Variants in PEX1 observed in about 807,000 individuals in gnomAD.
PEX1 encodes the protein peroxisomal ATPase PEX1.
Under a neutral mutation model 152.5 loss-of-function variants are expected in PEX1, and 97 were observed. The observed-to-expected ratio is 0.64, with a 90% confidence interval of 0.54 to 0.75. The LOEUF is 0.75. PEX1 is among the 30% of genes least tolerant of loss of function. The pLI is 0.00. For missense variants in PEX1, 1,357 were observed against 1,516.3 expected (o/e 0.89, Z 1.74); for synonymous variants, 485 against 531.6 (o/e 0.91, Z 1.21).
At chr7:92,491,623 G>T (rs1031883432) in intron 20 of PEX1, 121 bp from the exon 21 acceptor site, 2 of 673,884 alleles carry the variant, frequency 3.0e-6, no homozygotes, top group Non-Finnish European at 5.2e-6. Context: ...ATTTTTCAAA[G>T]AGCTCATTAA....
At chr7:92,525,186 G>T (rs1256491587) in intron 1 of PEX1, among the ~76,000 whole-genome samples, 2 of 152,154 alleles carry the variant, frequency 1.3e-5, no homozygotes, top group Non-Finnish European at 2.9e-5. Flanking sequence ...GGCTATTCAG[G>T]TAAAGAGAAG....
At position 92,517,687 on chromosome 7, in the gene PEX1, C is replaced by A; in HGVS notation, c.828G>T (p.Met276Ile). 6.2e-7 allele frequency: 1 copy of A among 1,613,640 alleles called. No homozygotes were observed. Among genetic ancestry groups the A allele is most frequent in the Non-Finnish European group, 8.5e-7 (1 of 1,179,838 alleles). Residue 276 changes from methionine (M) to isoleucine (I), a missense_variant, in exon 5 of 24, where the codon ATG becomes ATT. Transcript: ENST00000248633. ...TGTCTAGAGGAACAACCTTTGACTG[C>A]ATATTTTTGAATGCATTGATTTCAG... ...GLTEINAFKN[M>I]QSKVVPLDNI...
In PEX1 at chr7:92,489,903, T is replaced by A. The variant is rs781059210; in HGVS notation, c.3447A>T (p.Gln1149His). The change falls in exon 22 of 24, where the codon CAA becomes CAT. Residue 1149 changes from glutamine to histidine, a missense_variant. Gln to His is a conservative substitution (Grantham distance 24, BLOSUM62 0). Transcript: ENST00000248633. ...TCATGGAGCTTGGTGCAGAGAGACA[T>A]TGTGAGCTCTGCATGGTAAATTGTA... Reference protein sequence around the residue: ...GNGTSSDLSSQCLSAPSSMTQ... With the variant: ...GNGTSSDLSSHCLSAPSSMTQ... 2.5e-6 allele frequency: 4 copies of A among 1,613,042 alleles called. No individual in the cohort carries two copies. The highest frequency in any genetic ancestry group is 3.4e-6 in the Non-Finnish European group (4 of 1,179,190).
At chr7:92,495,816 C>T (rs1791627787) in intron 17 of PEX1, among the ~76,000 whole-genome samples, 1 of 151,882 alleles carries the variant, frequency 6.6e-6, no homozygotes, top group African/African-American at 2.4e-5. Context: ...TATTATTTCC[C>T]TTTTAACATA....
intron 1 of PEX1, among the ~76,000 whole-genome samples, 172 bp downstream of exon 1, chr7:92,528,135 G>C (rs566859714): frequency 1.2e-3 from 189 of 152,378 alleles, no homozygotes; most frequent in African/African-American, 4.2e-3. Context: ...GGGCTGCACT[G>C]GACTTGTGGG....
chr7:92,501,129 T>C (rs1791901864), intron 15 of PEX1, among the ~76,000 whole-genome samples: 1 of 152,202 alleles, frequency 6.6e-6, no homozygotes, highest in Non-Finnish European at 1.5e-5. Flanking sequence ...AAAATCTGTC[T>C]GCCTGGGCAA....
chr7:92,499,560 G>C, intron 16 of PEX1, 144 bp downstream of exon 16: 1 of 692,862 alleles, frequency 1.4e-6, no homozygotes, highest in Non-Finnish European at 2.5e-6. Flanking sequence ...GGAGTGGAAT[G>C]AAAAAGTTTT....
At chr7:92,494,028 A>G (rs1791510316) in intron 19 of PEX1, 1 of 408,270 alleles carries the variant, frequency 2.4e-6, no homozygotes, top group Admixed American at 3.8e-5. Flanking sequence ...TAATGTGAAA[A>G]TATAATACAT....
intron 8 of PEX1, among the ~76,000 whole-genome samples, chr7:92,510,143 CAAA>C (rs35337329): frequency 2.2e-5 from 3 of 137,920 alleles, no homozygotes; most frequent in Non-Finnish European, 1.6e-5. Flanking sequence ...GACTCCATCT[CAAA>C]AAAAAAAAAA....
intron 5 of PEX1, among the ~76,000 whole-genome samples, chr7:92,516,075 G>C (rs868140800): frequency 7.8e-5 from 11 of 141,052 alleles, no homozygotes; most frequent in Non-Finnish European, 1.8e-4. Flanking sequence ...GAAAAGAAAA[G>C]AAAAGAAAAG....
intron 10 of PEX1, 51 bp from the exon 11 acceptor site, chr7:92,506,395 T>C (rs189260051): frequency 3.9e-5 from 44 of 1,140,734 alleles, no homozygotes; most frequent in Admixed American, 2.7e-4. Context: ...GTCACAGAAA[T>C]AGTTCCTGTC....
chr7:92,519,048 A>T lies in PEX1; in HGVS notation c.304T>A (p.Ser102Thr). 6.2e-7 allele frequency: 1 copy of T among 1,610,536 alleles called. No individual in the cohort carries two copies. The change falls in exon 3 of 24, where the codon TCT becomes ACT. Residue 102 changes from serine to threonine, a missense_variant. Physicochemically the swap from Ser to Thr is moderately conservative, Grantham distance 58. Coordinates refer to ENST00000248633, the MANE Select transcript of PEX1 (RefSeq NM_000466.3). The stretch of plus-strand genomic sequence containing the variant: ...GGTTCCACCTCAACTTGTTGACAAG[A>T]TACCACATGGGAACATGGCTTGAGA... ...VFLKPCSHVVSCQQVEVEPLS... is the reference protein window; with the variant it reads ...VFLKPCSHVVTCQQVEVEPLS...
At chr7:92,502,199 T>C in intron 13 of PEX1, 120 bp from the exon 14 acceptor site, 1 of 709,896 alleles carries the variant, frequency 1.4e-6, no homozygotes, top group South Asian at 1.7e-5. Context: ...TTGGTAGTTG[T>C]CTGGGGATGG....
At chr7:92,502,206 A>G (rs887247814) in intron 13 of PEX1, 127 bp from the exon 14 acceptor site, 4 of 683,938 alleles carry the variant, frequency 5.8e-6, no homozygotes, top group Non-Finnish European at 1.0e-5. Flanking sequence ...TTGTCTGGGG[A>G]TGGAGCAGGG....
intron 9 of PEX1, 57 bp downstream of exon 9, chr7:92,509,272 T>C: frequency 9.0e-7 from 1 of 1,116,274 alleles, no homozygotes; most frequent in Non-Finnish European, 1.4e-6. Context: ...TTGAAAACTC[T>C]GCCAGATATA....
At chr7:92,516,134 G>A (rs141895820) in intron 5 of PEX1, among the ~76,000 whole-genome samples, 18 of 150,636 alleles carry the variant, frequency 1.2e-4, no homozygotes, top group Non-Finnish European at 2.2e-4. Context: ...TTTAGAAAAT[G>A]ATGTAGGCCG....
chr7:92,499,990 AATTCCT>A (rs1791849379), intron 15 of PEX1, 152 bp from the exon 16 acceptor site: 1 of 651,606 alleles, frequency 1.5e-6, no homozygotes, highest in Non-Finnish European at 2.6e-6. Flanking sequence ...TAGAAAATAC[AATTCCT>A]ACTAAAAACT....
chr7:92,522,236 T>C lies in PEX1; in HGVS notation c.139A>G (p.Ile47Val), dbSNP rs750276597. 1.2e-6 allele frequency: 2 copies of C among 1,614,060 alleles called. No homozygotes were observed. The highest frequency in any genetic ancestry group is 1.7e-6 in the Non-Finnish European group (2 of 1,179,970). ...AQLHLLQNQA[I>V]EVVWSHQPAF... Reference sequence around the variant, plus strand: ...GGCTGGTGACTCCAGACCACTTCTATAGCTTGATTCTATTCATATAAGAAA... The same window carrying C: ...GGCTGGTGACTCCAGACCACTTCTACAGCTTGATTCTATTCATATAAGAAA... The change falls in exon 2 of 24, where the codon ATA (isoleucine) becomes GTA (valine). Residue 47 changes from isoleucine to valine, a missense_variant. Physicochemically the swap from Ile to Val is conservative, Grantham distance 29. Coordinates refer to ENST00000248633, the MANE Select transcript of PEX1 (RefSeq NM_000466.3).
intron 21 of PEX1, among the ~76,000 whole-genome samples, chr7:92,490,424 C>A (rs1157411564): frequency 6.6e-6 from 1 of 152,014 alleles, no homozygotes; most frequent in Non-Finnish European, 1.5e-5. Context: ...AGCTTGAGCC[C>A]AGGAGTTTGA....
Sources: allele counts gnomAD v4.1 joint callset (sites outside exome capture counted in the v4.1 genomes callset), GRCh38; gene constraint gnomAD v4.1.1; transcripts MANE v1.5; gene names NCBI Gene and HGNC (gene_info 2026-07-23, HGNC 2026-07-21).